The following SH3PXD2B variants were observed in gnomAD, a reference collection of about 807,000 sequenced individuals.
The protein encoded by SH3PXD2B is SH3 and PX domain-containing protein 2B.
In SH3PXD2B, 37 loss-of-function variants were observed where a neutral mutation model predicts 73.1. The observed-to-expected ratio is 0.51, with a 90% CI of 0.39 to 0.67. SH3PXD2B has a LOEUF of 0.67. Ranked by LOEUF, SH3PXD2B falls within the 30% of genes least tolerant of loss-of-function variation. The pLI, the probability that SH3PXD2B is intolerant of heterozygous loss-of-function variation, is 0.00. For synonymous variants in SH3PXD2B, 457 were observed against 480.5 expected, an observed-to-expected ratio of 0.95 and a Z score of 0.64; for missense variants, 1,053 against 1,197.8, an observed-to-expected ratio of 0.88 and a Z score of 1.78.
At chr5:172,448,567 T>G (rs948079245) in intron 1 of SH3PXD2B, among the ~76,000 whole-genome samples, 1 of 152,182 alleles carries the variant, frequency 6.6e-6, no homozygotes, top group Non-Finnish European at 1.5e-5. Flanking sequence ...TCAGGAGCGC[T>G]TGAAGAGAAT....
At chr5:172,425,608 G>A (rs375878287) in intron 1 of SH3PXD2B, among the ~76,000 whole-genome samples, 2 of 152,106 alleles carry the variant, frequency 1.3e-5, no homozygotes, top group Non-Finnish European at 2.9e-5. Context: ...ACAGTGCTGC[G>A]GGAGGAAGGG....
chr5:172,341,572 C>T (rs1756850823), intron 12 of SH3PXD2B, among the ~76,000 whole-genome samples: 1 of 152,214 alleles, frequency 6.6e-6, no homozygotes. Flanking sequence ...CAGATGCTGG[C>T]ACCATGCTTT....
chr5:172,409,723 TCTTTA>T (rs1046184887), intron 2 of SH3PXD2B, among the ~76,000 whole-genome samples: 3 of 152,224 alleles, frequency 2.0e-5, no homozygotes, highest in Admixed American at 2.0e-4. Flanking sequence ...TCTTTTCTTT[TCTTTA>T]TTTTGAGACA....
chr5:172,382,069 T>C lies in SH3PXD2B; in HGVS notation c.368A>G (p.Glu123Gly). Residue 123 changes from glutamate (E) to glycine (G), a missense_variant, in exon 5 of 13, where the codon GAG (glutamate) becomes GGG (glycine). Around this residue, in one of 2 missense-constraint regions of SH3PXD2B, gnomAD observed 466 missense variants for 607.1 expected, o/e 0.77. Transcript: ENST00000311601. ...SQCDEVLQFF[E>G]TRPEDLNPPK... Reference sequence around the variant, plus strand: ...GGGATTCAGGTCCTCAGGTCTTGTCTCAAAGAACTGCAGCACCTCATCACA... The same window carrying C: ...GGGATTCAGGTCCTCAGGTCTTGTCCCAAAGAACTGCAGCACCTCATCACA... The C allele has an allele frequency of 6.2e-7, 1 of 1,612,358 alleles. No individual in the cohort carries two copies. Among genetic ancestry groups the C allele is most frequent in the East Asian group, 2.2e-5 (1 of 44,838 alleles).
intron 3 of SH3PXD2B, among the ~76,000 whole-genome samples, chr5:172,400,700 TA>T (rs1198320739): frequency 6.6e-6 from 1 of 152,238 alleles, no homozygotes; most frequent in Non-Finnish European, 1.5e-5. Context: ...AGAGTTGTGT[TA>T]AGCTTCCTTA....
rs572029252 is a variant in SH3PXD2B, at chr5:172,343,800, G to A, written c.1188+2336C>T. On this transcript the variant is annotated intron_variant, in intron 12 of 12. Coordinates refer to ENST00000311601, the MANE Select transcript of SH3PXD2B (RefSeq NM_001017995.3). ...AGCCTGGGTGACAGAGCAAGATTCC[G>A]TCTCAAAGAAAAAAAAAAAGATCAC... Among the ~76,000 whole-genome samples, 23 of 150,614 alleles carry A rather than the reference G, an allele frequency of 1.5e-4. No homozygotes were observed. The South Asian group carries it at 1.9e-3, about 12-fold the overall frequency.
At chr5:172,447,163 T>C (rs756883706) in intron 1 of SH3PXD2B, among the ~76,000 whole-genome samples, 1 of 151,864 alleles carries the variant, frequency 6.6e-6, no homozygotes, top group Non-Finnish European at 1.5e-5. Flanking sequence ...TTGCAGAACA[T>C]TCGGAAAAGA....
chr5:172,375,874 G>A (rs1757810318), intron 5 of SH3PXD2B, among the ~76,000 whole-genome samples: 1 of 152,158 alleles, frequency 6.6e-6, no homozygotes, highest in Admixed American at 6.5e-5. Flanking sequence ...ATATACCTAA[G>A]AGGGGAATTG....
chr5:172,334,172 C>T lies in SH3PXD2B; in HGVS notation c.*4197G>A, dbSNP rs1431396429. The stretch of plus-strand genomic sequence containing the variant: ...GAATGTTGAAACATGAGGAGGAGCT[C>T]GATAACTTGGCAGAATAGCACCAGA... On this transcript the variant is annotated 3_prime_UTR_variant, in exon 13 of 13. Transcript: ENST00000311601. The T allele has an allele frequency of 3.3e-5, 36 of 1,103,578 alleles. No homozygotes were observed. The highest frequency in any genetic ancestry group is 2.5e-4 in the South Asian group (11 of 43,824). 68.4% of individuals were successfully genotyped at this position (1,103,578 alleles called of 1,614,324 possible). A position where few individuals can be genotyped will look rare whatever the true frequency, so the allele number is the denominator to read the frequency against.
At position 172,337,720 on chromosome 5, in the gene SH3PXD2B, G is replaced by A; in HGVS notation, c.*649C>T. 1 of 992,886 alleles carries A rather than the reference G, an allele frequency of 1.0e-6. No homozygotes were observed. Among genetic ancestry groups the A allele is most frequent in the Non-Finnish European group, 1.2e-6 (1 of 834,326 alleles). The allele number at this position is 992,886 out of a possible 1,614,324, so 61.5% of individuals were successfully genotyped here. A position where few individuals can be genotyped will look rare whatever the true frequency, so the allele number is the denominator to read the frequency against. On this transcript the variant is annotated 3_prime_UTR_variant, in exon 13 of 13. Transcript: ENST00000311601. ...GCTGACCACGGTCCCAAGATAGAAGGTGGGAGGCAGGGCGGCTGAGCGGAT... is the reference window on the plus strand; with the variant it reads ...GCTGACCACGGTCCCAAGATAGAAGATGGGAGGCAGGGCGGCTGAGCGGAT...
In SH3PXD2B at chr5:172,338,224, C is replaced by T. The variant is rs1185152716; in HGVS notation, c.*145G>A. 6.5e-7 allele frequency: 1 copy of T among 1,544,550 alleles called. No individual in the cohort carries two copies. Among genetic ancestry groups the T allele is most frequent in the Non-Finnish European group, 8.7e-7 (1 of 1,146,664 alleles). On this transcript the variant is annotated 3_prime_UTR_variant, in exon 13 of 13. Transcript: ENST00000311601. This position sits in a 1 kb window ranked among gnomAD's most constrained non-coding sequence, Gnocchi z 5.1. The stretch of plus-strand genomic sequence containing the variant: ...GCCCGAGGTGTCCGAAACTCACTCT[C>T]CACCCATGGGAGGCAAGAAGTCACA...
intron 2 of SH3PXD2B, among the ~76,000 whole-genome samples, chr5:172,412,005 C>T (rs1486954128): frequency 6.6e-6 from 1 of 152,116 alleles, no homozygotes; most frequent in Non-Finnish European, 1.5e-5. Flanking sequence ...CACTACTCTG[C>T]TTTCTGCCTC....
chr5:172,355,548 CTTT>C (rs777611778), intron 8 of SH3PXD2B, among the ~76,000 whole-genome samples: 4 of 140,244 alleles, frequency 2.9e-5, no homozygotes, highest in Non-Finnish European at 4.7e-5. Context: ...ATTTTCTTTT[CTTT>C]TTTTTTTTTT....
At chr5:172,439,667 T>C (rs541822120) in intron 1 of SH3PXD2B, among the ~76,000 whole-genome samples, 2 of 121,224 alleles carry the variant, frequency 1.6e-5, no homozygotes, top group Non-Finnish European at 3.3e-5. Flanking sequence ...CAGGTATGTG[T>C]GTGCGTGCGT....
chr5:172,351,824 T>C (rs1040848686), intron 9 of SH3PXD2B, among the ~76,000 whole-genome samples: 2 of 151,208 alleles, frequency 1.3e-5, no homozygotes, highest in Non-Finnish European at 2.9e-5. Context: ...TAAAAGGAGG[T>C]AGAAATCTGC....
At chr5:172,401,728 C>T (rs186245233) in intron 3 of SH3PXD2B, among the ~76,000 whole-genome samples, 20 of 152,316 alleles carry the variant, frequency 1.3e-4, no homozygotes, top group Admixed American at 9.1e-4. Context: ...TAATTTCTTA[C>T]GCCTGTCTTT....
chr5:172,348,615 A>AATCT (rs147652696), intron 10 of SH3PXD2B, among the ~76,000 whole-genome samples: 5,399 of 140,350 alleles, frequency 0.038, 424 homozygotes, highest in African/African-American at 0.16. Context: ...TTAGCATCTG[A>AATCT]ATCTATCTAT....
chr5:172,426,646 G>T (rs1414466902), intron 1 of SH3PXD2B, among the ~76,000 whole-genome samples: 3 of 152,214 alleles, frequency 2.0e-5, no homozygotes, highest in Non-Finnish European at 4.4e-5. Flanking sequence ...CCACAGCCCT[G>T]CTGATGAATG....
chr5:172,442,943 G>A (rs1759580090), intron 1 of SH3PXD2B, among the ~76,000 whole-genome samples: 2 of 152,186 alleles, frequency 1.3e-5, no homozygotes, highest in Non-Finnish European at 2.9e-5. Flanking sequence ...CTTCCACCCA[G>A]AGGGGTCTTT....
Sources: gnomAD v4.1 joint callset for allele counts (sites outside exome capture counted in the v4.1 genomes callset) on GRCh38, gnomAD v4.1.1 for gene constraint, gnomAD v4.1.1 regional missense constraint, Gnocchi (gnomAD v3.1) non-coding constraint, MANE v1.5 for transcripts, NCBI Gene and HGNC (gene_info 2026-07-23, HGNC 2026-07-21) for gene names.